The following WWOX variants were observed in gnomAD, a reference collection of about 807,000 sequenced individuals.
The protein encoded by WWOX is WW domain containing oxidoreductase.
Under a neutral mutation model 46.2 loss-of-function variants are expected in WWOX, and 69 were observed. That is an observed-to-expected ratio of 1.49 (90% CI 1.23 to 1.82). WWOX has a LOEUF of 1.82. Among genes scored for constraint, WWOX ranks in the 40% most tolerant of loss-of-function variants. The probability of loss-of-function intolerance (pLI) is 0.00; values close to 1 mark genes in which losing one functional copy is unlikely to be tolerated. For missense variants in WWOX, 919 were observed against 542.6 expected (o/e 1.69, Z -6.89); for synonymous variants, 359 against 202.6 (o/e 1.77, Z -6.56).
At chr16:78,878,667 C>T (rs537078936) in intron 8 of WWOX, among the ~76,000 whole-genome samples, 25 of 151,908 alleles carry the variant, frequency 1.6e-4, no homozygotes, top group Non-Finnish European at 3.2e-4. Flanking sequence ...TAAATGTTAC[C>T]CATTTTATTC....
intron 8 of WWOX, among the ~76,000 whole-genome samples, chr16:78,639,091 C>T (rs1441340337): frequency 6.6e-6 from 1 of 152,158 alleles, no homozygotes; most frequent in Admixed American, 6.5e-5. Context: ...GCCTAAAAGA[C>T]CAGTCTCCTG....
intron 5 of WWOX, among the ~76,000 whole-genome samples, chr16:78,191,231 C>G (rs1597332710): frequency 6.6e-6 from 1 of 152,170 alleles, no homozygotes; most frequent in South Asian, 2.1e-4. Context: ...ATGCCCCCTC[C>G]TCTTGGGGCC....
chr16:78,116,916 G>A (rs1050493082), intron 4 of WWOX, among the ~76,000 whole-genome samples: 7 of 152,192 alleles, frequency 4.6e-5, no homozygotes, highest in Admixed American at 4.6e-4. Flanking sequence ...ACATTAGATA[G>A]CAGACTCTTG....
chr16:78,834,156 C>A (rs2051910085), intron 8 of WWOX, among the ~76,000 whole-genome samples: 1 of 152,164 alleles, frequency 6.6e-6, no homozygotes, highest in Non-Finnish European at 1.5e-5. Context: ...TGAATAACAA[C>A]AGGATAGGAA....
chr16:79,132,743 C>A (rs547998627), intron 8 of WWOX, among the ~76,000 whole-genome samples: 1 of 152,220 alleles, frequency 6.6e-6, no homozygotes, highest in Admixed American at 6.5e-5. Context: ...TAAGCACACT[C>A]AAGCCTCTTT....
chr16:78,912,843 C>G (rs867290396), intron 8 of WWOX, among the ~76,000 whole-genome samples: 5 of 152,008 alleles, frequency 3.3e-5, no homozygotes, highest in Admixed American at 6.6e-5. Context: ...AGAGGTCAGA[C>G]GTATTATCAT....
intron 8 of WWOX, among the ~76,000 whole-genome samples, chr16:78,932,206 G>C (rs557749903): frequency 6.6e-6 from 1 of 152,192 alleles, no homozygotes; most frequent in Non-Finnish European, 1.5e-5. Flanking sequence ...TGGAGGGGTA[G>C]CTCTTTTTCT....
At chr16:78,426,818 C>G (rs1045342839) in intron 7 of WWOX, among the ~76,000 whole-genome samples, 1 of 152,130 alleles carries the variant, frequency 6.6e-6, no homozygotes, top group African/African-American at 2.4e-5. Context: ...CGCTTGCCAC[C>G]ACACCTGGCT....
intron 3 of WWOX, among the ~76,000 whole-genome samples, chr16:78,114,142 G>A (rs1368939527): frequency 6.8e-6 from 1 of 148,138 alleles, no homozygotes; most frequent in Non-Finnish European, 1.5e-5. Flanking sequence ...CTGTCACCCA[G>A]GCTAGAGTGC....
At chr16:78,759,189 C>G (rs1185261527) in intron 8 of WWOX, among the ~76,000 whole-genome samples, 1 of 152,076 alleles carries the variant, frequency 6.6e-6, no homozygotes. Flanking sequence ...GGGAAGATTA[C>G]ACGGAGAAGT....
At chr16:78,541,031 C>T (rs750984001) in intron 8 of WWOX, among the ~76,000 whole-genome samples, 12 of 151,980 alleles carry the variant, frequency 7.9e-5, no homozygotes, top group South Asian at 4.2e-4. Flanking sequence ...GGGGAGGTGG[C>T]GTGGGTAGAT....
chr16:78,824,186 T>C (rs1382499570), intron 8 of WWOX, among the ~76,000 whole-genome samples: 1 of 152,250 alleles, frequency 6.6e-6, no homozygotes, highest in Non-Finnish European at 1.5e-5. Context: ...AGGTTAAAAA[T>C]AACTCTCATT....
At position 79,122,240 on chromosome 16, in the gene WWOX, A is replaced by T. The variant is rs992704714; in HGVS notation, c.1057-89368A>T. Among the ~76,000 whole-genome samples the T allele has an allele frequency of 6.6e-5, 10 of 152,134 alleles. No homozygotes were observed. In the South Asian group the frequency reaches 2.1e-3, roughly 32 times the overall value. On this transcript the variant is annotated intron_variant, in intron 8 of 8. Transcript: ENST00000566780. ...TAAAAGCTGTATACTACATTTCATC[A>T]GGTAGTGTTAGAAATTTAGGCTGAG...
intron 5 of WWOX, among the ~76,000 whole-genome samples, chr16:78,240,498 T>C (rs1170828876): frequency 6.6e-6 from 1 of 152,106 alleles, no homozygotes; most frequent in Non-Finnish European, 1.5e-5. Context: ...GAGTCACCCC[T>C]GCCAACACCT....
chr16:78,687,746 C>T (rs1018880633), intron 8 of WWOX, among the ~76,000 whole-genome samples: 1 of 152,208 alleles, frequency 6.6e-6, no homozygotes, highest in Admixed American at 6.5e-5. Flanking sequence ...TCTAAATTAA[C>T]ACTGTATTTC....
intron 8 of WWOX, among the ~76,000 whole-genome samples, chr16:78,751,296 A>G (rs1009131426): frequency 6.6e-6 from 1 of 151,626 alleles, no homozygotes; most frequent in African/African-American, 2.4e-5. Context: ...GACATCTAGC[A>G]TTAAATTTAG....
At chr16:78,237,839 C>T (rs2037494590) in intron 5 of WWOX, among the ~76,000 whole-genome samples, 3 of 152,190 alleles carry the variant, frequency 2.0e-5, no homozygotes, top group South Asian at 4.1e-4. Context: ...GTAATAGCCT[C>T]GGTTTTGCCT....
chr16:79,155,395 T>TG (rs947132021), intron 8 of WWOX, among the ~76,000 whole-genome samples: 26 of 150,114 alleles, frequency 1.7e-4, no homozygotes, highest in African/African-American at 3.7e-4. Context: ...ACAAAAAAGG[T>TG]GGGGGGGTGG....
intron 8 of WWOX, among the ~76,000 whole-genome samples, chr16:78,516,045 A>C: frequency 1.3e-5 from 2 of 150,014 alleles, no homozygotes; most frequent in Admixed American, 1.3e-4. Context: ...AGGTTTTCTC[A>C]CAGATTAAGA....
Sources: allele counts gnomAD v4.1 joint callset (sites outside exome capture counted in the v4.1 genomes callset), GRCh38; gene constraint gnomAD v4.1.1; transcripts MANE v1.5; gene names NCBI Gene and HGNC (gene_info 2026-07-23, HGNC 2026-07-21).